Variants in SPAST observed in about 807,000 individuals in gnomAD.
SPAST encodes the protein spastin.
In SPAST, 30 loss-of-function variants were observed where a neutral mutation model predicts 76.6. The ratio of observed to expected loss-of-function variants is 0.39; its 90% CI spans 0.29 to 0.53. The LOEUF (loss-of-function observed/expected upper bound fraction) is 0.53, where lower values mean the gene tolerates loss of function less well. Among genes scored for constraint, SPAST ranks in the 20% least tolerant of loss-of-function variants. SPAST has a pLI of 0.68. For missense variants in SPAST, 717 were observed against 770.5 expected (o/e 0.93, Z 0.82); for synonymous variants, 305 against 281.0 (o/e 1.09, Z -0.86).
At position 32,063,861 on chromosome 2, in the gene SPAST, G is replaced by A. The variant is rs768928614; in HGVS notation, c.30G>A (p.Lys10=). 5.7e-5 allele frequency: 91 copies of A among 1,584,890 alleles called. No homozygotes were observed. Among genetic ancestry groups the A allele is most frequent in the Non-Finnish European group, 7.5e-5 (88 of 1,171,036 alleles). Residue 10 remains lysine, a synonymous_variant, in exon 1 of 17, where the codon AAG becomes AAA. Transcript: ENST00000315285. MNSPGGRGK[K]KGSGGASNPV... ...ATTCTCCGGGTGGACGAGGGAAGAAGAAAGGCTCCGGCGGCGCCAGCAACC... is the reference window on the plus strand; with the variant it reads ...ATTCTCCGGGTGGACGAGGGAAGAAAAAAGGCTCCGGCGGCGCCAGCAACC...
chr2:32,118,394 A>G (rs1573125408), intron 7 of SPAST, among the ~76,000 whole-genome samples: 1 of 152,200 alleles, frequency 6.6e-6, no homozygotes, highest in African/African-American at 2.4e-5. Context: ...TTTCGCTAAT[A>G]CCCAGTAAAA....
At chr2:32,086,614 T>G (rs968107813) in intron 1 of SPAST, among the ~76,000 whole-genome samples, 7 of 152,102 alleles carry the variant, frequency 4.6e-5, no homozygotes, top group African/African-American at 1.7e-4. Flanking sequence ...AAAGATTAGC[T>G]GGGTGTGATG....
intron 1 of SPAST, among the ~76,000 whole-genome samples, chr2:32,079,280 G>T (rs931105415): frequency 3.3e-5 from 5 of 151,950 alleles, no homozygotes; most frequent in African/African-American, 1.2e-4. Flanking sequence ...ATTTTGGGAG[G>T]CTAAGTGGGA....
At chr2:32,067,931 ATGTTTC>A in intron 1 of SPAST, among the ~76,000 whole-genome samples, 1 of 150,794 alleles carries the variant, frequency 6.6e-6, no homozygotes, top group Middle Eastern at 3.5e-3. Context: ...CCTACTGATA[ATGTTTC>A]TGTTCACAAC....
At chr2:32,101,743 A>G (rs1437852929) in intron 4 of SPAST, among the ~76,000 whole-genome samples, 4 of 152,106 alleles carry the variant, frequency 2.6e-5, no homozygotes, top group Non-Finnish European at 4.4e-5. Flanking sequence ...TCCTTTCCCC[A>G]TTTATTGTTT....
chr2:32,153,318 A>ATT (rs148901250), intron 16 of SPAST, among the ~76,000 whole-genome samples: 19 of 79,274 alleles, frequency 2.4e-4, no homozygotes, highest in African/African-American at 6.9e-4. Flanking sequence ...TTTTGCCTTA[A>ATT]TTTTTTTTTT....
At chr2:32,131,659 A>AGCAACCAT (rs1162151028) in intron 9 of SPAST, among the ~76,000 whole-genome samples, 178 of 148,560 alleles carry the variant, frequency 1.2e-3, no homozygotes, top group African/African-American at 4.2e-3. Flanking sequence ...AAAATATTAC[A>AGCAACCAT]GCAACCATTC....
chr2:32,133,242 T>C (rs561091469), intron 9 of SPAST, among the ~76,000 whole-genome samples: 2 of 152,364 alleles, frequency 1.3e-5, no homozygotes, highest in South Asian at 2.1e-4. Context: ...ACCTTGTTTA[T>C]TGAATAACTA....
intron 8 of SPAST, chr2:32,127,495 G>T (rs969309692): frequency 6.3e-6 from 1 of 158,146 alleles, no homozygotes; most frequent in Non-Finnish European, 1.4e-5. Context: ...TCAGTAGTGT[G>T]TTTTTGGTTG....
At chr2:32,109,682 AAT>A (rs1394018253) in intron 4 of SPAST, among the ~76,000 whole-genome samples, 1 of 149,478 alleles carries the variant, frequency 6.7e-6, no homozygotes, top group East Asian at 1.9e-4. Context: ...TAATATAACT[AAT>A]ATATATATTG....
chr2:32,094,925 C>T (rs1437452044), intron 3 of SPAST, among the ~76,000 whole-genome samples: 3 of 152,210 alleles, frequency 2.0e-5, no homozygotes, highest in East Asian at 1.9e-4. Context: ...GCCGAGGTTG[C>T]GCCACTGCCC....
chr2:32,097,688 T>TTTTTC (rs1677970268), intron 3 of SPAST, among the ~76,000 whole-genome samples: 1 of 145,336 alleles, frequency 6.9e-6, no homozygotes, highest in African/African-American at 2.5e-5. Context: ...GTCCTTTTTT[T>TTTTTC]TTTTCTTTTC....
chr2:32,083,113 A>G (rs1677306618), intron 1 of SPAST, among the ~76,000 whole-genome samples: 1 of 152,108 alleles, frequency 6.6e-6, no homozygotes, highest in African/African-American at 2.4e-5. Flanking sequence ...CTGTGATTAC[A>G]GGTGCCCGCC....
rs746585201 is a variant in SPAST at position 32,154,447 on chromosome 2, T to C, written c.1802T>C (p.Leu601Ser). 2 of 1,613,530 alleles carry C rather than the reference T, an allele frequency of 1.2e-6. No individual in the cohort carries two copies. The highest frequency in any genetic ancestry group is 1.3e-5 in the African/African-American group (1 of 74,924). The stretch of plus-strand genomic sequence containing the variant: ...AAACGCAGCGTCAGCCCTCAAACTT[T>C]AGAAGCGTACATACGTTGGAACAAG... ...KIKRSVSPQT[L>S]EAYIRWNKDF... is the part of the protein sequence containing the mutation. The change falls in exon 17 of 17, where the codon TTA (leucine) becomes TCA (serine). Residue 601 changes from leucine to serine, a missense_variant. Coordinates refer to ENST00000315285, the MANE Select transcript of SPAST (RefSeq NM_014946.4).
At chr2:32,070,613 A>G (rs1676708939) in intron 1 of SPAST, among the ~76,000 whole-genome samples, 1 of 152,204 alleles carries the variant, frequency 6.6e-6, no homozygotes, top group Admixed American at 6.5e-5. Flanking sequence ...ATTAACAAAT[A>G]TGTGTACATA....
chr2:32,136,430 T>G (rs1679539056), intron 9 of SPAST, 133 bp from the exon 10 acceptor site: 1 of 724,552 alleles, frequency 1.4e-6, no homozygotes, highest in Admixed American at 2.1e-5. Context: ...ACTCTCCCCT[T>G]TCTCAAACCA....
In SPAST at chr2:32,128,491, GT is replaced by G. The variant is rs777499226; in HGVS notation, c.1245+15del. 1 of 1,549,040 alleles carries G rather than the reference GT, an allele frequency of 6.5e-7. No homozygotes were observed. Among genetic ancestry groups the G allele is most frequent in the Admixed American group, 1.7e-5 (1 of 59,944 alleles). On this transcript the variant is annotated intron_variant, in intron 9 of 16. Transcript: ENST00000315285. ...TAACTTCAAAATACGTGAGTGCTCT[GT>G]TTCCAATATTGTCGTATTTTAAGTT...
At chr2:32,082,375 A>G (rs1219709930) in intron 1 of SPAST, among the ~76,000 whole-genome samples, 1 of 152,084 alleles carries the variant, frequency 6.6e-6, no homozygotes, top group Non-Finnish European at 1.5e-5. Flanking sequence ...ATTCTTATAC[A>G]TTAAATGTTG....
intron 4 of SPAST, among the ~76,000 whole-genome samples, chr2:32,104,836 G>T (rs1678257898): frequency 6.6e-6 from 1 of 152,144 alleles, no homozygotes; most frequent in Non-Finnish European, 1.5e-5. Flanking sequence ...TAGTCTGATG[G>T]GCTTCCCTTT....
Sources: allele counts gnomAD v4.1 joint callset (sites outside exome capture counted in the v4.1 genomes callset), GRCh38; gene constraint gnomAD v4.1.1; transcripts MANE v1.5; gene names NCBI Gene and HGNC (gene_info 2026-07-23, HGNC 2026-07-21).